Variants in UBE2E2 observed in about 807,000 individuals in gnomAD.
UBE2E2 encodes the protein ubiquitin conjugating enzyme E2 E2.
In UBE2E2, 6 loss-of-function variants were observed where a neutral mutation model predicts 24.7. The ratio of observed to expected loss-of-function variants is 0.24; its 90% CI spans 0.13 to 0.48. The LOEUF (loss-of-function observed/expected upper bound fraction) is 0.48. Ranked by LOEUF, UBE2E2 falls within the 20% of genes least tolerant of loss-of-function variation. UBE2E2 has a pLI of 0.99. For missense variants in UBE2E2, 169 were observed against 245.0 expected, an observed-to-expected ratio of 0.69 and a Z score of 2.07; for synonymous variants, 104 against 83.6, an observed-to-expected ratio of 1.24 and a Z score of -1.33.
chr3:23,343,043 T>C (rs1488075148), intron 3 of UBE2E2, among the ~76,000 whole-genome samples: 1 of 152,090 alleles, frequency 6.6e-6, no homozygotes, highest in East Asian at 1.9e-4. Context: ...CTCTTAAAAC[T>C]TACCCTATAT....
chr3:23,244,634 G>A (rs1019367126), intron 3 of UBE2E2, among the ~76,000 whole-genome samples: 1 of 152,108 alleles, frequency 6.6e-6, no homozygotes, highest in African/African-American at 2.4e-5. Flanking sequence ...TTGTAATAAT[G>A]CCTTTATTGG....
intron 5 of UBE2E2, among the ~76,000 whole-genome samples, chr3:23,533,619 ATTTTTTTTTTT>A (rs759984741): frequency 9.2e-6 from 1 of 108,508 alleles, no homozygotes; most frequent in Non-Finnish European, 1.8e-5. Context: ...GCAAATTAGT[ATTTTTTTTTTT>A]TTTTTTTTTT....
intron 3 of UBE2E2, among the ~76,000 whole-genome samples, chr3:23,364,824 A>G (rs2125334949): frequency 6.6e-6 from 1 of 152,292 alleles, no homozygotes; most frequent in East Asian, 1.9e-4. Flanking sequence ...AACAAAAAAG[A>G]AAATCTTAGG....
At chr3:23,221,208 T>C (rs1418801815) in intron 3 of UBE2E2, among the ~76,000 whole-genome samples, 1 of 152,234 alleles carries the variant, frequency 6.6e-6, no homozygotes, top group East Asian at 1.9e-4. Context: ...GATGTAGTTA[T>C]ACTAGCAGTT....
chr3:23,431,742 A>G (rs909337006), intron 3 of UBE2E2, among the ~76,000 whole-genome samples: 5 of 152,194 alleles, frequency 3.3e-5, no homozygotes, highest in African/African-American at 4.8e-5. Flanking sequence ...AAACCACTAT[A>G]TATTAGTTTG....
chr3:23,338,376 T>A (rs904472819), intron 3 of UBE2E2, among the ~76,000 whole-genome samples: 3 of 152,150 alleles, frequency 2.0e-5, no homozygotes, highest in African/African-American at 7.2e-5. Context: ...TAATGAACCT[T>A]GGATTAGAAT....
At position 23,214,491 on chromosome 3, in the gene UBE2E2, TC is replaced by T. The variant is rs576398102; in HGVS notation, c.177-2769del. Among the ~76,000 whole-genome samples, 944 of 152,078 alleles carry T rather than the reference TC, an allele frequency of 6.2e-3. 14 individuals are homozygous for T. Among genetic ancestry groups the T allele is most frequent in the African/African-American group, 0.021 (876 of 41,498 alleles). ...GTCTCGAATTTCTGGCCTCAAGTGA[TC>T]CTCCTGCGTCTGCCTCCCAAAGCTC... On this transcript the variant is annotated intron_variant, in intron 2 of 5. Transcript: ENST00000396703.
chr3:23,252,876 C>G (rs1029827303), intron 3 of UBE2E2, among the ~76,000 whole-genome samples: 6 of 152,198 alleles, frequency 3.9e-5, no homozygotes, highest in Non-Finnish European at 7.3e-5. Context: ...CCTTGTCATT[C>G]ATTATGGAGT....
intron 3 of UBE2E2, among the ~76,000 whole-genome samples, chr3:23,404,471 T>C (rs1697310199): frequency 1.3e-5 from 2 of 152,182 alleles, no homozygotes; most frequent in African/African-American, 4.8e-5. Context: ...GATAACCCAG[T>C]TGACCCTACA....
At chr3:23,460,272 C>T (rs74577912) in intron 3 of UBE2E2, among the ~76,000 whole-genome samples, 2,236 of 152,236 alleles carry the variant, frequency 0.015, 42 homozygotes, top group African/African-American at 0.051. Flanking sequence ...TTCAGAAGAC[C>T]TCATTCACAT....
chr3:23,240,005 G>T (rs1217131868), intron 3 of UBE2E2, among the ~76,000 whole-genome samples: 3 of 152,194 alleles, frequency 2.0e-5, no homozygotes. Flanking sequence ...CATGATGCCA[G>T]CCTTGTCCTG....
At chr3:23,384,700 G>A (rs1696761417) in intron 3 of UBE2E2, among the ~76,000 whole-genome samples, 1 of 151,074 alleles carries the variant, frequency 6.6e-6, no homozygotes, top group East Asian at 2.0e-4. Flanking sequence ...ATGCCAGCAC[G>A]CCTGGCTAAT....
intron 3 of UBE2E2, among the ~76,000 whole-genome samples, chr3:23,385,867 C>T (rs1219113998): frequency 6.6e-6 from 1 of 152,172 alleles, no homozygotes; most frequent in Admixed American, 6.5e-5. Context: ...AAATAGGTAA[C>T]AGCTTAGCCT....
At chr3:23,286,962 G>A (rs1698628844) in intron 3 of UBE2E2, among the ~76,000 whole-genome samples, 1 of 151,994 alleles carries the variant, frequency 6.6e-6, no homozygotes, top group African/African-American at 2.4e-5. Context: ...GTTGGCATAT[G>A]GAGATGCTTT....
At chr3:23,530,288 A>G (rs773454860) in intron 4 of UBE2E2, among the ~76,000 whole-genome samples, 7 of 152,190 alleles carry the variant, frequency 4.6e-5, no homozygotes, top group Non-Finnish European at 7.4e-5. Context: ...CAGATCTCCA[A>G]TATCCTTACT....
chr3:23,295,694 A>G (rs556336304), intron 3 of UBE2E2, among the ~76,000 whole-genome samples: 1 of 152,324 alleles, frequency 6.6e-6, no homozygotes, highest in East Asian at 1.9e-4. Context: ...CGGTTGGAAC[A>G]GGGTTTATGT....
intron 3 of UBE2E2, among the ~76,000 whole-genome samples, chr3:23,336,472 C>G (rs977465263): frequency 6.6e-6 from 1 of 152,138 alleles, no homozygotes; most frequent in African/African-American, 2.4e-5. Flanking sequence ...AAAGTTTTGT[C>G]AGGAGGTCTG....
intron 3 of UBE2E2, among the ~76,000 whole-genome samples, chr3:23,445,600 C>T (rs954337112): frequency 2.0e-5 from 3 of 152,196 alleles, no homozygotes; most frequent in African/African-American, 7.2e-5. Context: ...TCATATTTGG[C>T]TAGATCGGAA....
intron 3 of UBE2E2, among the ~76,000 whole-genome samples, chr3:23,378,257 A>AAAAAG (rs1696575073): frequency 2.2e-5 from 3 of 133,624 alleles, no homozygotes; most frequent in Non-Finnish European, 4.9e-5. Context: ...AAAAAAAAAA[A>AAAAAG]AAATACTGCA....
Sources: allele counts gnomAD v4.1 joint callset (sites outside exome capture counted in the v4.1 genomes callset), GRCh38; gene constraint gnomAD v4.1.1; transcripts MANE v1.5; gene names NCBI Gene and HGNC (gene_info 2026-07-23, HGNC 2026-07-21).